Variants in OPA3 observed in about 807,000 individuals in gnomAD.
OPA3 encodes the protein outer mitochondrial membrane lipid metabolism regulator OPA3, also known as optic atrophy 3 protein.
A neutral mutation model predicts 4.0 loss-of-function variants in OPA3; 6 were observed. The ratio of observed to expected loss-of-function variants is 1.51; its 90% confidence interval spans 0.83 to 2.99. The LOEUF (loss-of-function observed/expected upper bound fraction) is 2.99, where lower values mean the gene tolerates loss of function less well. Among genes scored for constraint, OPA3 ranks in the 30% most tolerant of loss-of-function variants. OPA3 has a pLI of 0.00. For missense variants in OPA3, 235 were observed against 256.2 expected, an observed-to-expected ratio of 0.92 and a Z score of 0.56; for synonymous variants, 105 against 117.1, an observed-to-expected ratio of 0.90 and a Z score of 0.67.
In OPA3 at chr19:45,551,064, G is replaced by T; in HGVS notation, c.*2450C>A. The stretch of plus-strand genomic sequence containing the variant: ...CAGCCTCGACCTCCAGGGCTCAGGT[G>T]ATCCTCCTGCCTCAGCCTCCCAAGT... On this transcript the variant is annotated 3_prime_UTR_variant, in exon 2 of 2. Coordinates refer to ENST00000263275, the MANE Select transcript of OPA3 (RefSeq NM_025136.4). 1.9e-6 allele frequency: 1 copy of T among 521,048 alleles called. No homozygotes were observed. Among genetic ancestry groups the T allele is most frequent in the Non-Finnish European group, 2.5e-6 (1 of 405,732 alleles). 32.3% of individuals were successfully genotyped at this position (521,048 alleles called of 1,614,324 possible).
chr19:45,555,554 G>A (rs1358860488), intron 1 of OPA3, among the ~76,000 whole-genome samples: 3 of 151,062 alleles, frequency 2.0e-5, no homozygotes, highest in Non-Finnish European at 3.0e-5. Flanking sequence ...GCAGTGGCGC[G>A]ATCTCGGCTC....
chr19:45,581,246 C>T (rs915577630), intron 1 of OPA3, among the ~76,000 whole-genome samples: 1 of 152,162 alleles, frequency 6.6e-6, no homozygotes, highest in African/African-American at 2.4e-5. Flanking sequence ...CCCCACCAAA[C>T]ACCGAACAAC....
In OPA3 at chr19:45,550,575, CT is replaced by C; in HGVS notation, c.*2938del. ...ACTCTGCCCCTACTACTTCACCACC[CT>C]GGGCAGTCAGCCCCTCACTGGCTGT... On this transcript the variant is annotated 3_prime_UTR_variant, in exon 2 of 2. Coordinates refer to ENST00000263275, the MANE Select transcript of OPA3 (RefSeq NM_025136.4). The C allele has an allele frequency of 1.0e-6, 1 of 986,268 alleles. No homozygotes were observed. Among genetic ancestry groups the C allele is most frequent in the Non-Finnish European group, 1.2e-6 (1 of 830,538 alleles). The allele number at this position is 986,268 out of a possible 1,614,324, so 61.1% of individuals were successfully genotyped here.
At chr19:45,529,917 A>T (rs1969040827) in intron 1 of OPA3, among the ~76,000 whole-genome samples, 1 of 151,644 alleles carries the variant, frequency 6.6e-6, no homozygotes, top group Non-Finnish European at 1.5e-5. Flanking sequence ...AATTTTTTGT[A>T]GAAATGGGGG....
chr19:45,555,623 T>G (rs771458655), intron 1 of OPA3, among the ~76,000 whole-genome samples: 1 of 152,266 alleles, frequency 6.6e-6, no homozygotes, highest in Non-Finnish European at 1.5e-5. Context: ...CCTGAGTAGC[T>G]GGGACTACAG....
chr19:45,568,938 T>C (rs1969622217), intron 1 of OPA3, among the ~76,000 whole-genome samples: 1 of 152,184 alleles, frequency 6.6e-6, no homozygotes, highest in African/African-American at 2.4e-5. Flanking sequence ...AGGATCTTTG[T>C]TCTGTTGACT....
At chr19:45,555,508 T>G (rs1261934419) in intron 1 of OPA3, among the ~76,000 whole-genome samples, 1 of 131,514 alleles carries the variant, frequency 7.6e-6, no homozygotes, top group Middle Eastern at 3.7e-3. Context: ...TTTTTTTTTT[T>G]GAGATGGAGT....
intron 1 of OPA3, among the ~76,000 whole-genome samples, chr19:45,534,984 G>A (rs1969100834): frequency 6.6e-6 from 1 of 152,052 alleles, no homozygotes; most frequent in Non-Finnish European, 1.5e-5. Flanking sequence ...GCTATTCAAT[G>A]AGTTACTCAT....
intron 1 of OPA3, among the ~76,000 whole-genome samples, chr19:45,562,312 C>T (rs1320798560): frequency 1.4e-5 from 2 of 140,352 alleles, no homozygotes; most frequent in Non-Finnish European, 3.0e-5. Flanking sequence ...GTGCTGCACT[C>T]CAGCTTGGGT....
chr19:45,545,111 G>C (rs1414840713), downstream of OPA3, among the ~76,000 whole-genome samples: 15 of 145,592 alleles, frequency 1.0e-4, no homozygotes, highest in African/African-American at 3.5e-4. Flanking sequence ...GTTGTAGGGA[G>C]CCGAAATGGC....
intron 1 of OPA3, among the ~76,000 whole-genome samples, chr19:45,560,055 T>C (rs777429185): frequency 6.6e-6 from 1 of 152,118 alleles, no homozygotes; most frequent in South Asian, 2.1e-4. Flanking sequence ...TAACCTAATA[T>C]CCTCTTCCTG....
At chr19:45,545,372 A>ATTAAGAAATTAGCTGAGTGTAG (rs948804513), downstream of OPA3, among the ~76,000 whole-genome samples, 12 of 151,868 alleles carry the variant, frequency 7.9e-5, no homozygotes, top group African/African-American at 2.9e-4. Flanking sequence ...TCTACAAAAA[A>ATTAAGAAATTAGCTGAGTGTAG]TTAAGAAATT....
At chr19:45,570,980 G>GC (rs1276259436) in intron 1 of OPA3, among the ~76,000 whole-genome samples, 2 of 99,490 alleles carry the variant, frequency 2.0e-5, no homozygotes, top group African/African-American at 8.5e-5. Context: ...AAACTATTTG[G>GC]GGGGGGGGGG....
intron 1 of OPA3, among the ~76,000 whole-genome samples, chr19:45,574,410 A>T: frequency 6.6e-6 from 1 of 151,676 alleles, no homozygotes; most frequent in Admixed American, 6.6e-5. Flanking sequence ...AAAAAAAAAA[A>T]AAAAGAAAAA....
exon 2 of OPA3, chr19:45,528,517 G>T: frequency 6.4e-6 from 1 of 155,648 alleles, no homozygotes; most frequent in Non-Finnish European, 1.4e-5. Flanking sequence ...TAGATGGAAG[G>T]GGGCGGGTCG....
At chr19:45,542,665 G>GTTTTTTTTTTTT (rs59474391), downstream of OPA3, among the ~76,000 whole-genome samples, 2 of 103,334 alleles carry the variant, frequency 1.9e-5, no homozygotes, top group Non-Finnish European at 3.9e-5. Context: ...CTGTTTTTTT[G>GTTTTTTTTTTTT]TTTTTTTTTT....
At chr19:45,584,391 G>T in intron 1 of OPA3, 8 of 985,274 alleles carry the variant, frequency 8.1e-6, no homozygotes, top group African/African-American at 3.5e-5. Context: ...TTCCTTTATC[G>T]GCTGGCATTT....
At chr19:45,537,269 A>G (rs1312368024) in intron 1 of OPA3, among the ~76,000 whole-genome samples, 2 of 151,096 alleles carry the variant, frequency 1.3e-5, no homozygotes, top group Non-Finnish European at 3.0e-5. Flanking sequence ...GCTCACTGCA[A>G]CCTCCGCCTC....
intron 1 of OPA3, among the ~76,000 whole-genome samples, chr19:45,569,553 C>T (rs1456436215): frequency 6.6e-6 from 1 of 152,130 alleles, no homozygotes; most frequent in Non-Finnish European, 1.5e-5. Context: ...TTCCATCCTC[C>T]CCACCTCCAT....
Sources: allele counts gnomAD v4.1 joint callset (sites outside exome capture counted in the v4.1 genomes callset), GRCh38; gene constraint gnomAD v4.1.1; transcripts MANE v1.5; gene names NCBI Gene and HGNC (gene_info 2026-07-23, HGNC 2026-07-21).